Variants in WWOX observed in about 807,000 individuals in gnomAD.
The protein encoded by WWOX is WW domain-containing oxidoreductase.
A neutral mutation model predicts 46.2 loss-of-function variants in WWOX; 69 were observed. The observed-to-expected ratio is 1.49, with a 90% CI of 1.23 to 1.82. The LOEUF is 1.82. Among genes scored for constraint, WWOX ranks in the 40% most tolerant of loss-of-function variants. The pLI is 0.00. For missense variants in WWOX, 919 were observed against 542.6 expected (o/e 1.69, Z -6.89); for synonymous variants, 359 against 202.6 (o/e 1.77, Z -6.56).
intron 8 of WWOX, among the ~76,000 whole-genome samples, chr16:78,817,971 T>A (rs947900541): frequency 1.3e-5 from 2 of 152,090 alleles, no homozygotes; most frequent in South Asian, 2.1e-4. Context: ...AATTAACACC[T>A]ATGGAAGGGA....
intron 8 of WWOX, among the ~76,000 whole-genome samples, chr16:78,930,812 C>G (rs145270923): frequency 1.3e-3 from 197 of 152,164 alleles, no homozygotes; most frequent in Middle Eastern, 6.8e-3. Context: ...TGCTGAGTAC[C>G]CGCTGTTCAT....
At chr16:78,763,747 T>C (rs1016155144) in intron 8 of WWOX, among the ~76,000 whole-genome samples, 3 of 152,216 alleles carry the variant, frequency 2.0e-5, no homozygotes, top group Non-Finnish European at 4.4e-5. Context: ...CTTTTGATTC[T>C]TCTTTTCACC....
In WWOX at chr16:78,783,723, ATGT is replaced by A. The variant is rs1418558877; in HGVS notation, c.1056+350974_1056+350976del. 3.0e-3 allele frequency among the ~76,000 whole-genome samples: 235 copies of A among 77,272 alleles called. 2 individuals carry two copies. The highest frequency in any genetic ancestry group is 6.3e-3 in the Middle Eastern group (1 of 158). The allele number at this position is 77,272 out of a possible 152,430, so 50.7% of individuals were successfully genotyped here. A position where few individuals can be genotyped will look rare whatever the true frequency, so the allele number is the denominator to read the frequency against. On this transcript the variant is annotated intron_variant, in intron 8 of 8. Coordinates refer to ENST00000566780, the MANE Select transcript of WWOX (RefSeq NM_016373.4). The stretch of plus-strand genomic sequence containing the variant: ...CATGGTGATGAAGATGAGGGTGATG[ATGT>A]TGATGTTGATGATGATGGTGATGGT...
chr16:79,027,356 C>A (rs2047666666), intron 8 of WWOX, among the ~76,000 whole-genome samples: 1 of 150,638 alleles, frequency 6.6e-6, no homozygotes, highest in Non-Finnish European at 1.5e-5. Context: ...CTTTTCATTG[C>A]AAAATGAAAA....
intron 8 of WWOX, among the ~76,000 whole-genome samples, chr16:79,165,103 T>C (rs900507581): frequency 9.9e-5 from 15 of 151,756 alleles, no homozygotes; most frequent in Non-Finnish European, 1.8e-4. Context: ...AAGATCTCTT[T>C]CCTAGGGTAA....
At chr16:78,906,424 C>G (rs965410677) in intron 8 of WWOX, among the ~76,000 whole-genome samples, 2 of 152,116 alleles carry the variant, frequency 1.3e-5, no homozygotes, top group Non-Finnish European at 2.9e-5. Context: ...CCCCAACCCT[C>G]CCCCAAGCTA....
chr16:78,530,949 GA>G (rs1254442938), intron 8 of WWOX, among the ~76,000 whole-genome samples: 1 of 152,182 alleles, frequency 6.6e-6, no homozygotes, highest in South Asian at 2.1e-4. Flanking sequence ...GTTGAGGGAT[GA>G]AAAAAGTTAG....
chr16:78,405,659 TC>T (rs1181669870), intron 6 of WWOX, among the ~76,000 whole-genome samples: 1 of 152,206 alleles, frequency 6.6e-6, no homozygotes, highest in Non-Finnish European at 1.5e-5. Flanking sequence ...GGGTACCATA[TC>T]CCCAAAGTAG....
chr16:78,865,802 C>T (rs1471229433), intron 8 of WWOX, among the ~76,000 whole-genome samples: 1 of 152,186 alleles, frequency 6.6e-6, no homozygotes, highest in East Asian at 1.9e-4. Context: ...ATCACTTGAA[C>T]TCGGAAGGCA....
At chr16:78,937,133 T>TA (rs537076398) in intron 8 of WWOX, among the ~76,000 whole-genome samples, 69 of 152,222 alleles carry the variant, frequency 4.5e-4, no homozygotes, top group African/African-American at 1.7e-3. Flanking sequence ...TTCCTAGATT[T>TA]AAAAAAATGT....
chr16:78,144,684 C>G (rs189725097), intron 4 of WWOX, among the ~76,000 whole-genome samples: 2 of 150,310 alleles, frequency 1.3e-5, no homozygotes, highest in Non-Finnish European at 3.0e-5. Flanking sequence ...CCATGCCCGG[C>G]TGATTTTTGT....
chr16:78,128,471 C>T (rs1015256136), intron 4 of WWOX, among the ~76,000 whole-genome samples: 7 of 152,162 alleles, frequency 4.6e-5, no homozygotes, highest in South Asian at 2.1e-4. Flanking sequence ...GGAAATGTTG[C>T]GAGTTCTTGG....
intron 5 of WWOX, among the ~76,000 whole-genome samples, chr16:78,361,764 A>G (rs1262777511): frequency 2.0e-5 from 3 of 152,056 alleles, no homozygotes; most frequent in Admixed American, 1.3e-4. Context: ...GGTCCATGCC[A>G]CCATGCCCAG....
At chr16:79,122,806 T>C (rs1467582673) in intron 8 of WWOX, among the ~76,000 whole-genome samples, 1 of 152,150 alleles carries the variant, frequency 6.6e-6, no homozygotes, top group Non-Finnish European at 1.5e-5. Flanking sequence ...CATTTTTGCC[T>C]TGGGAAGTGA....
At chr16:78,934,292 C>G (rs1017887446) in intron 8 of WWOX, among the ~76,000 whole-genome samples, 4 of 143,872 alleles carry the variant, frequency 2.8e-5, no homozygotes, top group African/African-American at 1.1e-4. Flanking sequence ...GAGCCGAGAT[C>G]GCACCACTGC....
intron 6 of WWOX, among the ~76,000 whole-genome samples, chr16:78,402,309 A>G (rs746475083): frequency 9.9e-5 from 15 of 152,178 alleles, no homozygotes; most frequent in Non-Finnish European, 1.8e-4. Flanking sequence ...AAAAATCAGT[A>G]CTTCATTTCT....
chr16:78,519,321 G>T (rs367947392), intron 8 of WWOX, among the ~76,000 whole-genome samples: 1 of 152,122 alleles, frequency 6.6e-6, no homozygotes, highest in South Asian at 2.1e-4. Context: ...CAGTAAGCAT[G>T]TTGCTCTGGT....
At chr16:78,850,882 A>C (rs918910089) in intron 8 of WWOX, among the ~76,000 whole-genome samples, 7 of 152,310 alleles carry the variant, frequency 4.6e-5, no homozygotes, top group South Asian at 4.1e-4. Flanking sequence ...TTGGCTCAAC[A>C]TGGAAGATTT....
At position 78,864,942 on chromosome 16, in the gene WWOX, T is replaced by C. The variant is rs1030523504; in HGVS notation, c.1057-346666T>C. The stretch of plus-strand genomic sequence containing the variant: ...CACACCTGGCTAATTTTTGTATTTT[T>C]AGTAGAGTTGGGGTTTTACCATGTT... On this transcript the variant is annotated intron_variant, in intron 8 of 8. Coordinates refer to ENST00000566780, the MANE Select transcript of WWOX (RefSeq NM_016373.4). Among the ~76,000 whole-genome samples the C allele has an allele frequency of 1.0e-3, 154 of 151,706 alleles. 2 individuals carry two copies. Among genetic ancestry groups the C allele is most frequent in the Non-Finnish European group, 3.5e-4 (24 of 67,956 alleles).
Sources: gnomAD v4.1 joint callset for allele counts (sites outside exome capture counted in the v4.1 genomes callset) on GRCh38, gnomAD v4.1.1 for gene constraint, MANE v1.5 for transcripts, NCBI Gene and HGNC (gene_info 2026-07-23, HGNC 2026-07-21) for gene names.